Variants in HEPACAM2 observed in about 807,000 individuals in gnomAD.
HEPACAM2 encodes the protein HEPACAM family member 2, also known as mitotic kinetics regulator.
A neutral mutation model predicts 49.6 loss-of-function variants in HEPACAM2; 49 were observed. The observed-to-expected ratio is 0.99, with a 90% CI of 0.78 to 1.25. HEPACAM2 has a LOEUF of 1.25. Among genes scored for constraint, HEPACAM2 ranks in the 50% most tolerant of loss-of-function variants. HEPACAM2 has a pLI of 0.00. For missense variants in HEPACAM2, 525 were observed against 557.2 expected (o/e 0.94, Z 0.58); for synonymous variants, 197 against 202.9 (o/e 0.97, Z 0.25).
chr7:93,195,637 G>A (rs1793693234), intron 8 of HEPACAM2, among the ~76,000 whole-genome samples, 191 bp downstream of exon 8: 1 of 152,124 alleles, frequency 6.6e-6, no homozygotes, highest in Non-Finnish European at 1.5e-5. Flanking sequence ...TACTTATAAA[G>A]GCGAAGTAAG....
chr7:93,209,376 T>C (rs569870675), intron 3 of HEPACAM2, among the ~76,000 whole-genome samples: 1 of 152,138 alleles, frequency 6.6e-6, no homozygotes, highest in African/African-American at 2.4e-5. Flanking sequence ...CAGTGTGTAA[T>C]GATTAAATCA....
chr7:93,211,239 A>T (rs1794171354), intron 3 of HEPACAM2, among the ~76,000 whole-genome samples: 2 of 152,114 alleles, frequency 1.3e-5, no homozygotes, highest in East Asian at 3.9e-4. Context: ...ATGGGTTTTT[A>T]TTAATAAACC....
chr7:93,229,080 CAATT>C (rs1429336100), upstream of HEPACAM2, among the ~76,000 whole-genome samples: 2 of 152,102 alleles, frequency 1.3e-5, no homozygotes, highest in Admixed American at 6.5e-5. Flanking sequence ...GTGGCAGAAA[CAATT>C]AAGGAGAGGT....
Position 93,219,160 on chromosome 7 carries a change from A to C in HEPACAM2, c.371T>G (p.Val124Gly). 6.2e-7 allele frequency: 1 copy of C among 1,613,892 alleles called. No homozygotes were observed. The highest frequency in any genetic ancestry group is 8.5e-7 in the Non-Finnish European group (1 of 1,179,898). ...TAGAGTTCCATTTCCCTGAATGTTGACCTTCACGATGTAATTGCCTTCATC... is the reference window on the plus strand; with the variant it reads ...TAGAGTTCCATTTCCCTGAATGTTGCCCTTCACGATGTAATTGCCTTCATC... ...FPDEGNYIVKVNIQGNGTLSA... is the reference protein window; with the variant it reads ...FPDEGNYIVKGNIQGNGTLSA... Residue 124 changes from valine to glycine, a missense_variant, in exon 2 of 10, where the codon GTC (valine) becomes GGC (glycine). By Grantham distance (109) the Val-to-Gly change is moderately radical. Transcript: ENST00000394468.
intron 3 of HEPACAM2, 88 bp from the exon 4 acceptor site, chr7:93,208,964 G>GT (rs937962184): frequency 8.4e-7 from 1 of 1,190,694 alleles, no homozygotes; most frequent in African/African-American, 1.5e-5. Context: ...GCATTTTACT[G>GT]TTTTTGAAAA....
the HEPACAM2 span, among the ~76,000 whole-genome samples, chr7:93,232,134 C>T: frequency 6.6e-6 from 1 of 152,138 alleles, no homozygotes; most frequent in Non-Finnish European, 1.5e-5. Context: ...TCCGTCTCGC[C>T]GAAGAGTAGC....
intron 4 of HEPACAM2, among the ~76,000 whole-genome samples, chr7:93,206,964 TG>T (rs1794044607): frequency 6.6e-6 from 1 of 152,068 alleles, no homozygotes; most frequent in Admixed American, 6.6e-5. Flanking sequence ...ACTAAACAAG[TG>T]GTTGTCACAC....
the HEPACAM2 span, among the ~76,000 whole-genome samples, chr7:93,232,179 G>A: frequency 3.9e-5 from 6 of 152,174 alleles, no homozygotes; most frequent in Admixed American, 3.3e-4. Flanking sequence ...TAAGACCGGC[G>A]ATCGCAGTGG....
At position 93,188,770 on chromosome 7, in the gene HEPACAM2, TAAC is replaced by T. The variant is rs1195656801; in HGVS notation, c.*494_*496del. 5.5e-6 allele frequency: 2 copies of T among 364,694 alleles called. No homozygotes were observed. Among genetic ancestry groups the T allele is most frequent in the African/African-American group, 2.1e-5 (1 of 47,870 alleles). The allele number at this position is 364,694 out of a possible 1,614,324, so 22.6% of individuals were successfully genotyped here. A position where few individuals can be genotyped will look rare whatever the true frequency, so the allele number is the denominator to read the frequency against. On this transcript the variant is annotated 3_prime_UTR_variant, in exon 10 of 10. Coordinates refer to ENST00000394468, the MANE Select transcript of HEPACAM2 (RefSeq NM_001039372.4). ...CATCCTTATTACTTTGTTGTACAAATAACAAGATAGAAATTTGGAAATAAAATT... is the reference window on the plus strand; with the variant it reads ...CATCCTTATTACTTTGTTGTACAAATAAGATAGAAATTTGGAAATAAAATT...
At chr7:93,190,980 C>G (rs1014368968) in intron 9 of HEPACAM2, among the ~76,000 whole-genome samples, 3 of 151,840 alleles carry the variant, frequency 2.0e-5, no homozygotes, top group African/African-American at 7.2e-5. Flanking sequence ...CATAGAAAAA[C>G]AAATGAACTT....
At chr7:93,229,756 C>A (rs575707533), upstream of HEPACAM2, among the ~76,000 whole-genome samples, 11 of 152,218 alleles carry the variant, frequency 7.2e-5, no homozygotes, top group South Asian at 1.5e-3. Flanking sequence ...ATGTGAAAGT[C>A]CTGAATAAAT....
At chr7:93,194,921 CT>C (rs80158728) in intron 8 of HEPACAM2, among the ~76,000 whole-genome samples, 3,135 of 118,168 alleles carry the variant, frequency 0.027, 61 homozygotes, top group Non-Finnish European at 0.032. Context: ...TTTAAAAGAT[CT>C]TTTTTTTTTT....
chr7:93,211,518 T>A (rs1489543739), intron 3 of HEPACAM2, among the ~76,000 whole-genome samples: 1 of 152,022 alleles, frequency 6.6e-6, no homozygotes, highest in African/African-American at 2.4e-5. Flanking sequence ...GAACAAAAAT[T>A]TGTTTTTGCT....
intron 8 of HEPACAM2, among the ~76,000 whole-genome samples, chr7:93,195,532 C>T (rs567142843): frequency 6.6e-6 from 1 of 152,118 alleles, no homozygotes; most frequent in South Asian, 2.1e-4. Context: ...TTATTCAGTT[C>T]TCTTGACTTT....
chr7:93,190,865 C>T (rs1793525788), intron 9 of HEPACAM2, among the ~76,000 whole-genome samples: 1 of 151,670 alleles, frequency 6.6e-6, no homozygotes, highest in Non-Finnish European at 1.5e-5. Context: ...ACAATTTTGA[C>T]TTAAAATTTA....
At chr7:93,189,902 A>G (rs1172055325) in intron 9 of HEPACAM2, among the ~76,000 whole-genome samples, 3 of 151,970 alleles carry the variant, frequency 2.0e-5, no homozygotes, top group African/African-American at 7.2e-5. Context: ...CATGAAGTTG[A>G]TCTTTGAATT....
chr7:93,192,421 A>C (rs1164606549), intron 8 of HEPACAM2, 58 bp from the exon 9 acceptor site: 1 of 1,278,274 alleles, frequency 7.8e-7, no homozygotes, highest in African/African-American at 1.5e-5. Flanking sequence ...TAGTTTTTCC[A>C]CTATGTTGCA....
At chr7:93,214,571 C>T (rs1307567691) in intron 3 of HEPACAM2, among the ~76,000 whole-genome samples, 1 of 152,090 alleles carries the variant, frequency 6.6e-6, no homozygotes, top group African/African-American at 2.4e-5. Flanking sequence ...AAAGTGTGAA[C>T]TTACTCAAAT....
At chr7:93,229,909 CAT>C (rs1794594836), upstream of HEPACAM2, among the ~76,000 whole-genome samples, 1 of 152,110 alleles carries the variant, frequency 6.6e-6, no homozygotes, top group Non-Finnish European at 1.5e-5. Flanking sequence ...TCAATTATTT[CAT>C]ATAGTGTTAA....
Sources: allele counts gnomAD v4.1 joint callset (sites outside exome capture counted in the v4.1 genomes callset), GRCh38; gene constraint gnomAD v4.1.1; transcripts MANE v1.5; gene names NCBI Gene and HGNC (gene_info 2026-07-23, HGNC 2026-07-21).